Variants in PMEPA1 observed in about 807,000 individuals in gnomAD.
PMEPA1 encodes protein TMEPAI.
PMEPA1 carries 11 observed loss-of-function variants against 23.0 expected under a neutral mutation model. The ratio of observed to expected loss-of-function variants is 0.48; its 90% CI spans 0.30 to 0.79. PMEPA1 has a LOEUF of 0.79. Among genes scored for constraint, PMEPA1 ranks in the 30% least tolerant of loss-of-function variants. The pLI is 0.06. For synonymous variants in PMEPA1, 204 were observed against 166.4 expected, an observed-to-expected ratio of 1.23 and a Z score of -1.74; for missense variants, 377 against 390.9, an observed-to-expected ratio of 0.96 and a Z score of 0.30.
chr20:57,696,942 A>C (rs1014359304), intron 1 of PMEPA1, among the ~76,000 whole-genome samples: 1 of 152,190 alleles, frequency 6.6e-6, no homozygotes, highest in Non-Finnish European at 1.5e-5. Flanking sequence ...AGTAATGCTT[A>C]CTCCGGGCAG....
chr20:57,709,356 G>T, intron 1 of PMEPA1, 118 bp downstream of exon 1: 7 of 680,596 alleles, frequency 1.0e-5, no homozygotes, highest in Non-Finnish European at 1.3e-5. Flanking sequence ...CGCTGCCCGG[G>T]CGCAGGGCGT....
At chr20:57,705,110 T>C (rs2146715966) in intron 1 of PMEPA1, among the ~76,000 whole-genome samples, 1 of 152,322 alleles carries the variant, frequency 6.6e-6, no homozygotes, top group East Asian at 1.9e-4. Context: ...AGAAGCTGTG[T>C]GTGCCTGTGT....
At chr20:57,675,494 G>C (rs1022050058) in intron 1 of PMEPA1, among the ~76,000 whole-genome samples, 6 of 152,230 alleles carry the variant, frequency 3.9e-5, no homozygotes, top group African/African-American at 1.4e-4. Context: ...CCTGGCGCTT[G>C]GCTCATCACC....
intron 1 of PMEPA1, chr20:57,700,012 A>T: frequency 2.1e-6 from 1 of 471,096 alleles, no homozygotes; most frequent in Non-Finnish European, 4.4e-6. Context: ...ATATAAAAAC[A>T]CACCTTTTTG....
At position 57,666,943 on chromosome 20, in the gene PMEPA1, C is replaced by T. The variant is rs183487614; in HGVS notation, c.110-7246G>A. Among the ~76,000 whole-genome samples, 468 of 152,322 alleles carry T rather than the reference C, an allele frequency of 3.1e-3. 1 individual carries two copies. Among genetic ancestry groups the T allele is most frequent in the Middle Eastern group, 0.01 (3 of 294 alleles). On this transcript the variant is annotated intron_variant, in intron 1 of 3. Coordinates refer to ENST00000341744, the MANE Select transcript of PMEPA1 (RefSeq NM_020182.5). ...GGGCCTGGAAATAGTTTCCAAACTCCGAAGCAGATTTGTGACACGGGAATG... is the reference window on the plus strand; with the variant it reads ...GGGCCTGGAAATAGTTTCCAAACTCTGAAGCAGATTTGTGACACGGGAATG...
intron 1 of PMEPA1, among the ~76,000 whole-genome samples, chr20:57,697,463 A>G (rs924542150): frequency 4.6e-5 from 7 of 152,258 alleles, no homozygotes; most frequent in Non-Finnish European, 1.5e-5. Flanking sequence ...AGGCAGCTCA[A>G]TAAATACTGG....
intron 1 of PMEPA1, among the ~76,000 whole-genome samples, chr20:57,700,965 G>A (rs765165506): frequency 2.6e-5 from 4 of 151,998 alleles, no homozygotes; most frequent in Non-Finnish European, 5.9e-5. Context: ...GGGAGGTAGA[G>A]GTTGCAGTGA....
rs200780242 is a variant in PMEPA1, at chr20:57,655,896, C to T, written c.265-2810G>A. ...GTCATACCACTGAACCCTGCTGCTA[C>T]AGCCAAGCGCAGCTATGGGCAAAAC... On this transcript the variant is annotated intron_variant, in intron 2 of 3. Coordinates refer to ENST00000341744, the MANE Select transcript of PMEPA1 (RefSeq NM_020182.5). This position sits in a 1 kb window ranked among gnomAD's most constrained non-coding sequence, Gnocchi z 4.2. Among the ~76,000 whole-genome samples, 10 of 152,286 alleles carry T rather than the reference C, an allele frequency of 6.6e-5. No homozygotes were observed. The East Asian group carries it at 1.9e-3, about 30-fold the overall frequency.
chr20:57,695,011 T>A (rs530813222), intron 1 of PMEPA1, among the ~76,000 whole-genome samples: 1 of 152,310 alleles, frequency 6.6e-6, no homozygotes, highest in Admixed American at 6.5e-5. Flanking sequence ...TCAGCCCATC[T>A]CACTCCAATG....
Position 57,651,847 on chromosome 20 carries a change from C to G in PMEPA1, c.*206G>C. On this transcript the variant is annotated 3_prime_UTR_variant, in exon 4 of 4. Coordinates refer to ENST00000341744, the MANE Select transcript of PMEPA1 (RefSeq NM_020182.5). ...ACAAAGAAACGTGGTTTTTTTTTTT[C>G]TTTTTTCTTTTTTTTTTTGCAAGCT... is the stretch of plus-strand genomic sequence containing the variant. 4.7e-3 allele frequency: 1,250 copies of G among 267,802 alleles called. No homozygotes were observed. The highest frequency in any genetic ancestry group is 6.4e-3 in the East Asian group (109 of 17,042). The allele number at this position is 267,802 out of a possible 1,614,324, so 16.6% of individuals were successfully genotyped here.
chr20:57,696,503 T>C (rs55828352), intron 1 of PMEPA1, among the ~76,000 whole-genome samples: 7,321 of 152,184 alleles, frequency 0.048, 340 homozygotes, highest in African/African-American at 0.12. Context: ...ACCTCCTCCA[T>C]GCGATGGGGT....
chr20:57,709,347 G>A (rs1308141065), intron 1 of PMEPA1, 127 bp downstream of exon 1: 13 of 585,818 alleles, frequency 2.2e-5, no homozygotes, highest in Non-Finnish European at 2.8e-5. Flanking sequence ...CGCGGCGGGC[G>A]CTGCCCGGGC....
chr20:57,654,214 G>A (rs1051165131), intron 2 of PMEPA1, among the ~76,000 whole-genome samples: 2 of 152,198 alleles, frequency 1.3e-5, no homozygotes, highest in African/African-American at 4.8e-5. Context: ...AGGGATGTCT[G>A]TTACTTTTAT....
intron 1 of PMEPA1, among the ~76,000 whole-genome samples, chr20:57,685,064 G>C (rs995757270): frequency 2.0e-5 from 3 of 151,930 alleles, no homozygotes; most frequent in Admixed American, 6.6e-5. Flanking sequence ...ACGGTTGGAG[G>C]GGGTGCCGTC....
chr20:57,695,178 C>A (rs561221022), intron 1 of PMEPA1, among the ~76,000 whole-genome samples: 49 of 152,398 alleles, frequency 3.2e-4, no homozygotes, highest in African/African-American at 1.0e-3. Context: ...TCTGGGGTCA[C>A]CCACATCCTC....
intron 1 of PMEPA1, among the ~76,000 whole-genome samples, chr20:57,681,635 C>T (rs894070881): frequency 1.3e-5 from 2 of 152,196 alleles, no homozygotes; most frequent in Non-Finnish European, 2.9e-5. Flanking sequence ...GAGCTCTCCA[C>T]GTACCCTCCA....
chr20:57,651,855 T>A lies in PMEPA1; in HGVS notation c.*198A>T. 8.8e-6 allele frequency: 2 copies of A among 226,698 alleles called. No homozygotes were observed. Among genetic ancestry groups the A allele is most frequent in the Non-Finnish European group, 1.5e-5 (2 of 129,732 alleles). The allele number at this position is 226,698 out of a possible 1,614,324, so 14.0% of individuals were successfully genotyped here. On this transcript the variant is annotated 3_prime_UTR_variant, in exon 4 of 4. Coordinates refer to ENST00000341744, the MANE Select transcript of PMEPA1 (RefSeq NM_020182.5). ...ACGTGGTTTTTTTTTTTCTTTTTTC[T>A]TTTTTTTTTTGCAAGCTCTCTTAGC... is the stretch of plus-strand genomic sequence containing the variant.
At chr20:57,688,074 C>T (rs1334504199) in intron 1 of PMEPA1, among the ~76,000 whole-genome samples, 1 of 152,094 alleles carries the variant, frequency 6.6e-6, no homozygotes, top group Non-Finnish European at 1.5e-5. Flanking sequence ...GCCCTCATCT[C>T]GGGACGGCCT....
At chr20:57,660,049 G>A (rs1373768754) in intron 1 of PMEPA1, among the ~76,000 whole-genome samples, 1 of 152,194 alleles carries the variant, frequency 6.6e-6, no homozygotes, top group Non-Finnish European at 1.5e-5. Context: ...CCGTTCTGCA[G>A]ATGCACAGCG....
Sources: allele counts gnomAD v4.1 joint callset (sites outside exome capture counted in the v4.1 genomes callset), GRCh38; gene constraint gnomAD v4.1.1; non-coding constraint Gnocchi (gnomAD v3.1); transcripts MANE v1.5; gene names NCBI Gene and HGNC (gene_info 2026-07-23, HGNC 2026-07-21).